The following CCDC171 variants were observed in gnomAD, a reference collection of about 807,000 sequenced individuals.
CCDC171 encodes coiled-coil domain-containing protein 171.
Under a neutral mutation model 168.2 loss-of-function variants are expected in CCDC171, and 177 were observed. That is an observed-to-expected ratio of 1.05 (90% CI 0.93 to 1.19). The LOEUF is 1.19. CCDC171 is among the 50% of genes most tolerant of loss of function. CCDC171 has a pLI of 0.00. For missense variants in CCDC171, 1,991 were observed against 1,539.0 expected, an observed-to-expected ratio of 1.29 and a Z score of -4.91; for synonymous variants, 687 against 540.8, an observed-to-expected ratio of 1.27 and a Z score of -3.75.
intron 7 of CCDC171, among the ~76,000 whole-genome samples, chr9:15,626,355 A>G (rs1024027175): frequency 6.6e-6 from 1 of 152,140 alleles, no homozygotes; most frequent in Non-Finnish European, 1.5e-5. Context: ...ACTATGTTGA[A>G]TAGGAGTGGT....
At chr9:15,860,936 A>ATGTG (rs770617574) in intron 23 of CCDC171, among the ~76,000 whole-genome samples, 48,556 of 144,162 alleles carry the variant, frequency 0.34, 9,942 homozygotes, top group East Asian at 0.64. Flanking sequence ...GTTGTTAGGG[A>ATGTG]TGTGTGTGTG....
intron 6 of CCDC171, among the ~76,000 whole-genome samples, chr9:15,598,719 T>C (rs922227779): frequency 3.3e-5 from 5 of 152,134 alleles, no homozygotes; most frequent in African/African-American, 1.2e-4. Flanking sequence ...ACTTTCTGTC[T>C]CATTGATCTG....
intron 25 of CCDC171, among the ~76,000 whole-genome samples, chr9:15,931,036 G>A (rs1472994998): frequency 6.6e-6 from 1 of 151,566 alleles, no homozygotes; most frequent in Non-Finnish European, 1.5e-5. Context: ...TCACATCCAT[G>A]CAATAAACAT....
At chr9:16,009,650 G>C (rs1832807917) in intron 3 of CCDC171, among the ~76,000 whole-genome samples, 1 of 152,094 alleles carries the variant, frequency 6.6e-6, no homozygotes, top group Non-Finnish European at 1.5e-5. Flanking sequence ...TACATCAATA[G>C]TCAAATTGGT....
At chr9:15,559,498 G>A (rs2132462708) in intron 1 of CCDC171, among the ~76,000 whole-genome samples, 1 of 152,122 alleles carries the variant, frequency 6.6e-6, no homozygotes, top group Middle Eastern at 3.4e-3. Flanking sequence ...GGCCTTCTTT[G>A]TCTCTTTTGA....
At chr9:15,998,686 C>T (rs1424595926) in intron 3 of CCDC171, among the ~76,000 whole-genome samples, 1 of 152,160 alleles carries the variant, frequency 6.6e-6, no homozygotes, top group Admixed American at 6.5e-5. Flanking sequence ...GTAGTTCACC[C>T]TGCTACCCAG....
chr9:15,946,152 G>C (rs566063383), intron 25 of CCDC171, among the ~76,000 whole-genome samples: 1 of 151,930 alleles, frequency 6.6e-6, no homozygotes, highest in Non-Finnish European at 1.5e-5. Flanking sequence ...TTTCCCCATT[G>C]CTTGTTTTTC....
intron 3 of CCDC171, among the ~76,000 whole-genome samples, chr9:15,576,707 C>G (rs572340701): frequency 6.6e-6 from 1 of 152,168 alleles, no homozygotes; most frequent in African/African-American, 2.4e-5. Flanking sequence ...AACTTAGAGA[C>G]GATATCCACG....
At chr9:15,644,448 G>A (rs138340119) in intron 7 of CCDC171, among the ~76,000 whole-genome samples, 2,041 of 152,212 alleles carry the variant, frequency 0.013, 30 homozygotes, top group African/African-American at 0.047. Context: ...GTGAGGCATC[G>A]TCTCACCCGG....
At chr9:15,900,801 C>G (rs1408688168) in intron 24 of CCDC171, among the ~76,000 whole-genome samples, 7 of 152,270 alleles carry the variant, frequency 4.6e-5, no homozygotes, top group Non-Finnish European at 1.0e-4. Context: ...TCCTTAGGCT[C>G]TGCTCTGCTT....
intron 5 of CCDC171, among the ~76,000 whole-genome samples, chr9:15,592,997 A>G (rs2042100019): frequency 6.6e-6 from 1 of 151,848 alleles, no homozygotes. Flanking sequence ...AGCATTAGGT[A>G]TATCTCCTAA....
At chr9:15,890,149 C>G (rs933337243) in intron 24 of CCDC171, among the ~76,000 whole-genome samples, 1 of 150,444 alleles carries the variant, frequency 6.6e-6, no homozygotes, top group Non-Finnish European at 1.5e-5. Flanking sequence ...CTCTGGGACA[C>G]AAAGGTAACT....
intron 7 of CCDC171, among the ~76,000 whole-genome samples, chr9:15,642,373 A>G (rs112766216): frequency 4.1e-4 from 20 of 49,330 alleles, no homozygotes; most frequent in East Asian, 6.8e-3. Flanking sequence ...ATATATATAT[A>G]TATATATATA....
At chr9:15,749,064 G>A (rs1337784626) in intron 18 of CCDC171, among the ~76,000 whole-genome samples, 1 of 151,846 alleles carries the variant, frequency 6.6e-6, no homozygotes, top group African/African-American at 2.4e-5. Flanking sequence ...GCTGTATTCA[G>A]GAGACCCATC....
At chr9:15,647,876 A>T (rs1293429354) in intron 7 of CCDC171, among the ~76,000 whole-genome samples, 1 of 152,212 alleles carries the variant, frequency 6.6e-6, no homozygotes. Flanking sequence ...AAAAAGAAGG[A>T]ATCCTCCCTA....
chr9:16,089,517 T>A, the CCDC171 span, among the ~76,000 whole-genome samples: 1 of 151,676 alleles, frequency 6.6e-6, no homozygotes, highest in Non-Finnish European at 1.5e-5. Flanking sequence ...TTAGGTCTTA[T>A]GTTTAAGTCT....
chr9:16,053,205 C>G (rs1247713598), intron 1 of CCDC171, among the ~76,000 whole-genome samples: 2 of 152,266 alleles, frequency 1.3e-5, no homozygotes, highest in African/African-American at 4.8e-5. Flanking sequence ...AGATGAGGAA[C>G]TTGAAACCTG....
intron 3 of CCDC171, among the ~76,000 whole-genome samples, chr9:16,009,135 G>A (rs1274345964): frequency 6.6e-6 from 1 of 152,062 alleles, no homozygotes; most frequent in Non-Finnish European, 1.5e-5. Context: ...AACAGTTTAG[G>A]TCCTCTTTAT....
At chr9:15,748,184 C>G (rs2055436645) in intron 18 of CCDC171, among the ~76,000 whole-genome samples, 1 of 152,042 alleles carries the variant, frequency 6.6e-6, no homozygotes, top group Non-Finnish European at 1.5e-5. Context: ...CATACACAAG[C>G]TTCAGCAGCA....
Sources: allele counts gnomAD v4.1 joint callset (sites outside exome capture counted in the v4.1 genomes callset), GRCh38; gene constraint gnomAD v4.1.1; transcripts MANE v1.5; gene names NCBI Gene and HGNC (gene_info 2026-07-23, HGNC 2026-07-21).